Variants in OTUD7A observed in about 807,000 individuals in gnomAD.
OTUD7A encodes the protein OTU domain-containing protein 7A.
In OTUD7A, 12 loss-of-function variants were observed where a neutral mutation model predicts 65.7. The ratio of observed to expected loss-of-function variants is 0.18; its 90% CI spans 0.12 to 0.30. The LOEUF (loss-of-function observed/expected upper bound fraction) is 0.30. OTUD7A is among the 10% of genes least tolerant of loss of function. The pLI, the probability that OTUD7A is intolerant of heterozygous loss-of-function variation, is 1.00. For missense variants in OTUD7A, 1,148 were observed against 1,304.8 expected, an observed-to-expected ratio of 0.88 and a Z score of 1.85; for synonymous variants, 641 against 586.3, an observed-to-expected ratio of 1.09 and a Z score of -1.35.
At chr15:31,721,954 A>G (rs544818813) in intron 1 of OTUD7A, among the ~76,000 whole-genome samples, 4 of 152,318 alleles carry the variant, frequency 2.6e-5, no homozygotes, top group African/African-American at 9.6e-5. Flanking sequence ...GTGCTCAATA[A>G]AACTCTGCTG....
chr15:31,563,603 C>T (rs1160344472), intron 4 of OTUD7A, among the ~76,000 whole-genome samples: 1 of 152,214 alleles, frequency 6.6e-6, no homozygotes, highest in Non-Finnish European at 1.5e-5. Flanking sequence ...TAGCCCCAGC[C>T]CTGTGCCAGC....
chr15:31,547,074 C>CGG, intron 5 of OTUD7A, among the ~76,000 whole-genome samples: 1 of 152,224 alleles, frequency 6.6e-6, no homozygotes, highest in African/African-American at 2.4e-5. Context: ...GGTCTAGCTC[C>CGG]AGAGATGACT....
chr15:31,851,342 G>C (rs1335778700), intron 1 of OTUD7A, among the ~76,000 whole-genome samples: 1 of 152,196 alleles, frequency 6.6e-6, no homozygotes, highest in Non-Finnish European at 1.5e-5. Flanking sequence ...ATCAATAAAT[G>C]ACTAATTGGA....
At chr15:31,612,054 T>C (rs1219375000) in intron 3 of OTUD7A, among the ~76,000 whole-genome samples, 3 of 152,176 alleles carry the variant, frequency 2.0e-5, no homozygotes, top group Non-Finnish European at 4.4e-5. Context: ...AAAAATCATG[T>C]GATCATTTCA....
In OTUD7A at chr15:31,483,893, C is replaced by T. The variant is rs1174742672; in HGVS notation, c.2203G>A (p.Gly735Arg). The change falls in exon 13 of 13, where the codon GGG (glycine) becomes AGG (arginine). Residue 735 changes from glycine (G) to arginine (R), a missense_variant. Physicochemically the swap from Gly to Arg is moderately radical, Grantham distance 125. Transcript: ENST00000307050. The part of the protein sequence containing the change: ...VLKLKERPSP[G>R]PAAGRAARAA... ...CGCGCCGCACGCCCTGCCGCGGGCC[C>T]GGGGCTCGGCCGCTCCTTGAGCTTG... 1.9e-5 allele frequency: 19 copies of T among 1,002,840 alleles called. No homozygotes were observed. The highest frequency in any genetic ancestry group is 4.9e-4 in the Middle Eastern group (1 of 2,028). The allele number at this position is 1,002,840 out of a possible 1,614,324, so 62.1% of individuals were successfully genotyped here.
intron 8 of OTUD7A, among the ~76,000 whole-genome samples, chr15:31,508,450 C>T (rs1006037477): frequency 2.0e-5 from 3 of 152,186 alleles, no homozygotes; most frequent in African/African-American, 4.8e-5. Flanking sequence ...CCTGGGTTCA[C>T]ACCATTCTCC....
chr15:31,553,668 TC>T (rs1452149719), intron 5 of OTUD7A, among the ~76,000 whole-genome samples: 2 of 151,668 alleles, frequency 1.3e-5, no homozygotes, highest in Admixed American at 6.6e-5. Context: ...GCTGGACTCT[TC>T]CCTGCCTGCC....
At chr15:31,651,531 A>C (rs940484007) in intron 3 of OTUD7A, among the ~76,000 whole-genome samples, 21 of 151,614 alleles carry the variant, frequency 1.4e-4, no homozygotes, top group African/African-American at 4.8e-4. Context: ...AACTGTCCTT[A>C]CTCACAGATA....
chr15:31,563,662 A>G (rs537520874), intron 4 of OTUD7A, among the ~76,000 whole-genome samples: 2 of 152,268 alleles, frequency 1.3e-5, no homozygotes, highest in Admixed American at 6.5e-5. Context: ...GGCACCAGTC[A>G]CCATAAGCAC....
At chr15:31,695,390 A>C (rs1313451431) in intron 1 of OTUD7A, among the ~76,000 whole-genome samples, 1 of 141,898 alleles carries the variant, frequency 7.0e-6, no homozygotes, top group Non-Finnish European at 1.6e-5. Flanking sequence ...ATACCCACCA[A>C]CACTGTACTA....
chr15:31,663,283 A>ACACACACACACACACAC (rs71113411), intron 1 of OTUD7A, among the ~76,000 whole-genome samples: 7 of 149,962 alleles, frequency 4.7e-5, no homozygotes, highest in African/African-American at 1.5e-4. Context: ...ACACACACAC[A>ACACACACACACACACAC]AGTTTTTAAA....
In OTUD7A at chr15:31,483,918, G is replaced by C; in HGVS notation, c.2178C>G (p.Leu726=). The C allele has an allele frequency of 1.9e-6, 2 of 1,073,024 alleles. No individual in the cohort carries two copies. Among genetic ancestry groups the C allele is most frequent in the Non-Finnish European group, 2.3e-6 (2 of 881,996 alleles). 66.5% of individuals were successfully genotyped at this position (1,073,024 alleles called of 1,614,324 possible). A position where few individuals can be genotyped will look rare whatever the true frequency, so the allele number is the denominator to read the frequency against. The change falls in exon 13 of 13, where the codon CTC becomes CTG. Residue 726 remains leucine (L), a synonymous_variant. Coordinates refer to ENST00000307050, the MANE Select transcript of OTUD7A (RefSeq NM_001382637.1). ...CGGGGCTCGGCCGCTCCTTGAGCTTGAGCACCAGCTGCGTGGGTGGGCCCG... is the reference window on the plus strand; with the variant it reads ...CGGGGCTCGGCCGCTCCTTGAGCTTCAGCACCAGCTGCGTGGGTGGGCCCG... ...ASPGPPTQLV[L]KLKERPSPGP...
chr15:31,837,914 T>C (rs1054185105), intron 1 of OTUD7A, among the ~76,000 whole-genome samples: 2 of 152,212 alleles, frequency 1.3e-5, no homozygotes, highest in African/African-American at 4.8e-5. Flanking sequence ...CAGTGTAGTA[T>C]TGGTAGAGGA....
intron 8 of OTUD7A, among the ~76,000 whole-genome samples, chr15:31,506,830 A>T (rs1280895793): frequency 6.6e-6 from 1 of 152,248 alleles, no homozygotes; most frequent in South Asian, 2.1e-4. Flanking sequence ...TTTAGGAAAT[A>T]GCAGAGAGAG....
intron 1 of OTUD7A, among the ~76,000 whole-genome samples, chr15:31,683,523 T>G (rs1892767932): frequency 6.6e-6 from 1 of 152,208 alleles, no homozygotes; most frequent in Non-Finnish European, 1.5e-5. Flanking sequence ...TGACTCAGTT[T>G]TGAAATGAGG....
chr15:31,488,667 A>T (rs931950123), intron 10 of OTUD7A, among the ~76,000 whole-genome samples: 2 of 152,260 alleles, frequency 1.3e-5, no homozygotes, highest in African/African-American at 4.8e-5. Flanking sequence ...CAAGGGTGCC[A>T]TGGCAAGAAC....
At chr15:31,851,891 C>T (rs1447802787) in intron 1 of OTUD7A, among the ~76,000 whole-genome samples, 1 of 152,218 alleles carries the variant, frequency 6.6e-6, no homozygotes, top group African/African-American at 2.4e-5. Context: ...CAGGGTGTCG[C>T]TCTGTCGCCC....
At chr15:31,760,920 GT>G (rs893690793) in intron 1 of OTUD7A, among the ~76,000 whole-genome samples, 2 of 151,704 alleles carry the variant, frequency 1.3e-5, no homozygotes, top group African/African-American at 4.9e-5. Flanking sequence ...GTTTTTTTGG[GT>G]TTTTTTGTTT....
chr15:31,787,453 G>A (rs1488333365), intron 1 of OTUD7A: 1 of 152,166 alleles, frequency 6.6e-6, no homozygotes, highest in African/African-American at 2.4e-5. Context: ...TAAAGATGGA[G>A]GGAAATTCAG....
Sources: allele counts gnomAD v4.1 joint callset (sites outside exome capture counted in the v4.1 genomes callset), GRCh38; gene constraint gnomAD v4.1.1; transcripts MANE v1.5; gene names NCBI Gene and HGNC (gene_info 2026-07-23, HGNC 2026-07-21).